The following PKNOX2 variants were observed in gnomAD, a reference collection of about 807,000 sequenced individuals.
The protein encoded by PKNOX2 is homeobox protein PKNOX2.
In PKNOX2, 14 loss-of-function variants were observed where a neutral mutation model predicts 53.1. The ratio of observed to expected loss-of-function variants is 0.26; its 90% CI spans 0.17 to 0.41. The LOEUF (loss-of-function observed/expected upper bound fraction) is 0.41. Among genes scored for constraint, PKNOX2 ranks in the 10% least tolerant of loss-of-function variants. PKNOX2 has a pLI of 1.00. For synonymous variants in PKNOX2, 257 were observed against 242.8 expected (o/e 1.06, Z -0.54); for missense variants, 496 against 602.8 (o/e 0.82, Z 1.85).
At chr11:125,338,947 C>T (rs1174223205) in intron 3 of PKNOX2, among the ~76,000 whole-genome samples, 1 of 152,208 alleles carries the variant, frequency 6.6e-6, no homozygotes, top group Non-Finnish European at 1.5e-5. Context: ...TTGCGCAAGT[C>T]AGAATTAAGC....
rs577321351 is a variant in PKNOX2, at chr11:125,188,541, G to C, written c.-201+23765G>C. On this transcript the variant is annotated intron_variant, in intron 1 of 12. Coordinates refer to ENST00000298282, the MANE Select transcript of PKNOX2 (RefSeq NM_001382323.2). ...AACAGATGAGTCTGAGAGACAAGTA[G>C]AGTTGATTCTATCAGAAGGTTCCAA... Among the ~76,000 whole-genome samples, 9 of 152,330 alleles carry C rather than the reference G, an allele frequency of 5.9e-5. No individual in the cohort carries two copies. In the East Asian group the frequency reaches 1.7e-3, roughly 29 times the overall value.
intron 6 of PKNOX2, among the ~76,000 whole-genome samples, chr11:125,387,987 G>A (rs796814906): frequency 2.3e-4 from 35 of 152,148 alleles, no homozygotes; most frequent in African/African-American, 6.5e-4. Flanking sequence ...ATGGCACTGG[G>A]AAATGGCCTT....
chr11:125,176,014 T>A (rs1230458750), intron 1 of PKNOX2, among the ~76,000 whole-genome samples: 1 of 152,198 alleles, frequency 6.6e-6, no homozygotes, highest in African/African-American at 2.4e-5. Flanking sequence ...CACAGCGTGA[T>A]GACAGCCATG....
intron 10 of PKNOX2, among the ~76,000 whole-genome samples, chr11:125,418,303 A>G (rs925532593): frequency 2.0e-5 from 3 of 152,098 alleles, no homozygotes; most frequent in African/African-American, 4.8e-5. Context: ...TGGTTGAAGC[A>G]TATTCCATGG....
chr11:125,252,425 A>G (rs920624772), intron 2 of PKNOX2, among the ~76,000 whole-genome samples: 1 of 152,210 alleles, frequency 6.6e-6, no homozygotes, highest in African/African-American at 2.4e-5. Context: ...AGATTGGAGG[A>G]AGGCAAAAAA....
chr11:125,391,931 G>A (rs931583260), intron 6 of PKNOX2, among the ~76,000 whole-genome samples: 7 of 152,122 alleles, frequency 4.6e-5, no homozygotes, highest in East Asian at 1.9e-4. Context: ...ACATGACCCC[G>A]ATCATTTAGA....
At chr11:125,254,104 C>T (rs1469255183) in intron 2 of PKNOX2, among the ~76,000 whole-genome samples, 1 of 152,142 alleles carries the variant, frequency 6.6e-6, no homozygotes, top group African/African-American at 2.4e-5. Flanking sequence ...AGATGCGAAC[C>T]ACTTGTGCCA....
chr11:125,337,791 C>T (rs1950502264), intron 3 of PKNOX2, among the ~76,000 whole-genome samples: 2 of 152,164 alleles, frequency 1.3e-5, no homozygotes, highest in Admixed American at 6.5e-5. Flanking sequence ...AGAATAGGTG[C>T]TCAGTAAATG....
intron 6 of PKNOX2, among the ~76,000 whole-genome samples, chr11:125,395,745 T>G (rs558156120): frequency 7.9e-5 from 12 of 152,216 alleles, no homozygotes; most frequent in Non-Finnish European, 1.6e-4. Context: ...TGTCTAATCA[T>G]GTCTTATGAC....
intron 1 of PKNOX2, among the ~76,000 whole-genome samples, chr11:125,217,587 C>A (rs1267386331): frequency 6.6e-6 from 1 of 152,192 alleles, no homozygotes; most frequent in Admixed American, 6.5e-5. Context: ...AGTGTCAGTG[C>A]ACATCGGCTG....
Position 125,367,946 on chromosome 11 carries a change from C to T in PKNOX2, c.188C>T (p.Pro63Leu). The T allele has an allele frequency of 1.2e-6, 2 of 1,613,364 alleles. No homozygotes were observed. Among genetic ancestry groups the T allele is most frequent in the African/African-American group, 2.7e-5 (2 of 75,040 alleles). The change falls in exon 5 of 13, where the codon CCC becomes CTC. Residue 63 changes from proline (P) to leucine (L), a missense_variant. Coordinates refer to ENST00000298282, the MANE Select transcript of PKNOX2 (RefSeq NM_001382323.2). ...CCTGTGCCCAGTGCCCCCATCGACC[C>T]CCAGGCCCAGCTGGAGGCTGACAAG... is the stretch of plus-strand genomic sequence containing the variant. ...STPVPSAPID[P>L]QAQLEADKRA...
chr11:125,429,103 C>T lies in PKNOX2; in HGVS notation c.1013+15C>T. On this transcript the variant is annotated intron_variant, in intron 11 of 12. Transcript: ENST00000298282. ...GTAAACAACTGGTGAGTTTGCATCA[C>T]CTGCATGCAGGCTCCCAGATCCAGG... 1 of 1,600,324 alleles carries T rather than the reference C, an allele frequency of 6.2e-7. No homozygotes were observed.
chr11:125,175,258 AG>A (rs1955631755), intron 1 of PKNOX2, among the ~76,000 whole-genome samples: 1 of 147,274 alleles, frequency 6.8e-6, no homozygotes, highest in African/African-American at 2.5e-5. Context: ...GAAAGAAGGA[AG>A]GAAGGAGGGA....
At chr11:125,373,177 C>T (rs1275036664) in intron 5 of PKNOX2, among the ~76,000 whole-genome samples, 1 of 152,212 alleles carries the variant, frequency 6.6e-6, no homozygotes, top group African/African-American at 2.4e-5. Context: ...GGCTTTGTCA[C>T]CATCGGCTAG....
intron 4 of PKNOX2, among the ~76,000 whole-genome samples, chr11:125,356,401 C>G (rs984672567): frequency 9.9e-5 from 15 of 152,218 alleles, no homozygotes; most frequent in African/African-American, 3.6e-4. Context: ...CATTTTTGAA[C>G]AGAGAGAGAA....
At chr11:125,212,770 AGT>A (rs963507321) in intron 1 of PKNOX2, among the ~76,000 whole-genome samples, 5 of 151,998 alleles carry the variant, frequency 3.3e-5, no homozygotes, top group African/African-American at 1.2e-4. Context: ...CCGGTTCTAC[AGT>A]TAGGACCAAT....
rs911117352 is a variant in PKNOX2, at chr11:125,166,718, C to T, written c.-201+1942C>T. On this transcript the variant is annotated intron_variant, in intron 1 of 12. Transcript: ENST00000298282. The surrounding 1 kb of genome is among the most constrained non-coding windows in gnomAD (Gnocchi z 4.0). Reference sequence around the variant, plus strand: ...CAAACTCCAGTGCCCTGATTGGAGCCGCTTCCTGTGCTTACCCGCGCCGGA... The same window carrying T: ...CAAACTCCAGTGCCCTGATTGGAGCTGCTTCCTGTGCTTACCCGCGCCGGA... Among the ~76,000 whole-genome samples the T allele has an allele frequency of 3.9e-5, 6 of 152,172 alleles. No individual in the cohort carries two copies. The highest frequency in any genetic ancestry group is 7.4e-5 in the Non-Finnish European group (5 of 68,022).
At chr11:125,264,111 C>T (rs1369112877) in intron 2 of PKNOX2, among the ~76,000 whole-genome samples, 1 of 152,206 alleles carries the variant, frequency 6.6e-6, no homozygotes, top group African/African-American at 2.4e-5. Flanking sequence ...GGTGCCATCC[C>T]TGACACTGTT....
intron 4 of PKNOX2, among the ~76,000 whole-genome samples, chr11:125,361,547 TA>T (rs1354228388): frequency 7.2e-5 from 11 of 152,336 alleles, no homozygotes; most frequent in African/African-American, 2.2e-4. Context: ...TTTTTTTATT[TA>T]TTTTTTTGAC....
Sources: allele counts gnomAD v4.1 joint callset (sites outside exome capture counted in the v4.1 genomes callset), GRCh38; gene constraint gnomAD v4.1.1; non-coding constraint Gnocchi (gnomAD v3.1); transcripts MANE v1.5; gene names NCBI Gene and HGNC (gene_info 2026-07-23, HGNC 2026-07-21).